The following CDH23 variants were observed in gnomAD, a reference collection of about 807,000 sequenced individuals.
CDH23 encodes the protein cadherin-23.
CDH23 carries 189 observed loss-of-function variants against 317.1 expected under a neutral mutation model. The observed-to-expected ratio is 0.60, with a 90% CI of 0.53 to 0.67. CDH23 has a LOEUF of 0.67. Among genes scored for constraint, CDH23 ranks in the 30% least tolerant of loss-of-function variants. The pLI, the probability that CDH23 is intolerant of heterozygous loss-of-function variation, is 0.00. For missense variants in CDH23, 4,401 were observed against 4,592.4 expected, an observed-to-expected ratio of 0.96 and a Z score of 1.20; for synonymous variants, 1,839 against 1,876.8, an observed-to-expected ratio of 0.98 and a Z score of 0.52.
At chr10:71,427,716 T>C (rs1367526997) in intron 1 of CDH23, among the ~76,000 whole-genome samples, 1 of 149,848 alleles carries the variant, frequency 6.7e-6, no homozygotes, top group African/African-American at 2.4e-5. Context: ...ATGCTTACTT[T>C]TTTTTTTTTT....
rs767116601 is a variant in CDH23, at chr10:71,803,438, G to T, written c.7872+18G>T. On this transcript the variant is annotated intron_variant, in intron 55 of 69. Coordinates refer to ENST00000224721, the MANE Select transcript of CDH23 (RefSeq NM_022124.6). Reference sequence around the variant, plus strand: ...TCAGAGAGGTACTCCTGCCCCGAGGGCCTCCTGCCCACCAGTATTTCCTTC... The same window carrying T: ...TCAGAGAGGTACTCCTGCCCCGAGGTCCTCCTGCCCACCAGTATTTCCTTC... 1.3e-6 allele frequency: 2 copies of T among 1,561,552 alleles called. No individual in the cohort carries two copies. Among genetic ancestry groups the T allele is most frequent in the African/African-American group, 1.4e-5 (1 of 73,200 alleles).
At chr10:71,509,449 T>G (rs2132193457) in intron 3 of CDH23, among the ~76,000 whole-genome samples, 1 of 152,332 alleles carries the variant, frequency 6.6e-6, no homozygotes, top group African/African-American at 2.4e-5. Context: ...ATCAGGAATC[T>G]GTCTCTCCAT....
intron 6 of CDH23, among the ~76,000 whole-genome samples, chr10:71,542,427 T>C (rs1856036025): frequency 6.6e-6 from 1 of 152,198 alleles, no homozygotes; most frequent in Non-Finnish European, 1.5e-5. Flanking sequence ...CAGCCCTCAA[T>C]CCTCTGTCTT....
At chr10:71,658,933 C>T (rs1003337863) in intron 14 of CDH23, among the ~76,000 whole-genome samples, 29 of 152,264 alleles carry the variant, frequency 1.9e-4, no homozygotes, top group Middle Eastern at 3.4e-3. Flanking sequence ...TGACCTTGAG[C>T]AGGTCCATGG....
chr10:71,578,137 T>G lies in CDH23; in HGVS notation c.832+145T>G, dbSNP rs116198763. 3.9e-3 allele frequency: 3,056 copies of G among 776,970 alleles called. 62 individuals are homozygous for G. The African/African-American group carries it at 0.045, about 12-fold the overall frequency. 48.1% of individuals were successfully genotyped at this position (776,970 alleles called of 1,614,324 possible). ...GGAGACCTGACTACAGGGACAGTCC[T>G]CGCCAAAGGGCCAGGAAGGTGACTG... is the stretch of plus-strand genomic sequence containing the variant. On this transcript the variant is annotated intron_variant, in intron 9 of 69. Coordinates refer to ENST00000224721, the MANE Select transcript of CDH23 (RefSeq NM_022124.6).
Position 71,677,694 on chromosome 10 carries a change from G to A in CDH23, c.1752+1G>A, listed in dbSNP as rs1347367555. 9 of 1,555,108 alleles carry A rather than the reference G, an allele frequency of 5.8e-6. No homozygotes were observed. Among genetic ancestry groups the A allele is most frequent in the Non-Finnish European group, 7.0e-6 (8 of 1,148,940 alleles). ...TGTCACACAGCTGGTGCGGCTCCGG[G>A]TAAGGTGCCAGGGAGCCCTGCACTC... is the stretch of plus-strand genomic sequence containing the variant. On this transcript the variant is annotated splice_donor_variant, in intron 16 of 69. Transcript: ENST00000224721. LOFTEE classifies it high-confidence loss of function.
chr10:71,646,811 A>G (rs765763478), intron 14 of CDH23, 194 bp downstream of exon 14: 9 of 1,519,744 alleles, frequency 5.9e-6, no homozygotes, highest in Non-Finnish European at 7.1e-6. Context: ...CTAGGTTGCA[A>G]TATGGAAAAG....
At chr10:71,419,039 A>G (rs573265998) in intron 1 of CDH23, among the ~76,000 whole-genome samples, 2 of 152,232 alleles carry the variant, frequency 1.3e-5, no homozygotes, top group South Asian at 4.1e-4. Flanking sequence ...ACTATCAAGT[A>G]AGAAAAAACT....
chr10:71,643,812 T>C, intron 11 of CDH23, 49 bp from the exon 12 acceptor site: 1 of 765,642 alleles, frequency 1.3e-6, no homozygotes, highest in Non-Finnish European at 2.4e-6. Context: ...CCTCTCCGGC[T>C]CCTTCTGTCT....
chr10:71,739,866 C>A, intron 36 of CDH23, 94 bp downstream of exon 36: 1 of 1,388,126 alleles, frequency 7.2e-7, no homozygotes, highest in Non-Finnish European at 9.7e-7. Context: ...TCCATCAGCA[C>A]ACTCTGGTGG....
intron 9 of CDH23, among the ~76,000 whole-genome samples, chr10:71,592,700 T>G (rs193266288): frequency 1.8e-4 from 28 of 152,316 alleles, no homozygotes; most frequent in Admixed American, 1.4e-3. Context: ...TTAACCAAAC[T>G]ACATCTGCAA....
chr10:71,791,597 C>T (rs568211173), intron 47 of CDH23, among the ~76,000 whole-genome samples: 4 of 148,278 alleles, frequency 2.7e-5, no homozygotes, highest in South Asian at 2.1e-4. Flanking sequence ...TTTTTTAAGA[C>T]GGAGTTTTGC....
chr10:71,691,894 G>A (rs767626201), intron 20 of CDH23, among the ~76,000 whole-genome samples: 2 of 152,174 alleles, frequency 1.3e-5, no homozygotes, highest in Admixed American at 1.3e-4. Context: ...GGCCGGTGCT[G>A]ATGGGTACGA....
chr10:71,625,421 A>AC lies in CDH23; in HGVS notation c.1134+8028_1134+8029insC, dbSNP rs1554847654. 2.6e-3 allele frequency among the ~76,000 whole-genome samples: 238 copies of AC among 92,374 alleles called. 6 individuals are homozygous for AC. The highest frequency in any genetic ancestry group is 6.1e-3 in the African/African-American group (152 of 24,908). 60.6% of individuals were successfully genotyped at this position (92,374 alleles called of 152,430 possible). On this transcript the variant is annotated intron_variant, in intron 11 of 69. Coordinates refer to ENST00000224721, the MANE Select transcript of CDH23 (RefSeq NM_022124.6). The stretch of plus-strand genomic sequence containing the variant: ...TAAAAAAAAAAAAAAAAAAAAAAAA[A>AC]AAATGACAAGGAGAAAAGGCCATAT...
intron 3 of CDH23, among the ~76,000 whole-genome samples, chr10:71,470,545 A>G (rs962591529): frequency 1.3e-5 from 2 of 151,544 alleles, no homozygotes; most frequent in Admixed American, 1.3e-4. Flanking sequence ...GCTGGAGTGC[A>G]GTAGCACCAT....
chr10:71,767,781 G>T (rs554266019), intron 38 of CDH23, among the ~76,000 whole-genome samples: 1 of 152,340 alleles, frequency 6.6e-6, no homozygotes, highest in East Asian at 1.9e-4. Flanking sequence ...ACCTGCCCCC[G>T]CAGGAAGTGT....
At position 71,575,066 on chromosome 10, in the gene CDH23, G is replaced by A. The variant is rs1362325578; in HGVS notation, c.754-2848G>A. 5.3e-5 allele frequency among the ~76,000 whole-genome samples: 8 copies of A among 152,138 alleles called. No individual in the cohort carries two copies. The East Asian group carries it at 1.5e-3, about 29-fold the overall frequency. On this transcript the variant is annotated intron_variant, in intron 8 of 69. Coordinates refer to ENST00000224721, the MANE Select transcript of CDH23 (RefSeq NM_022124.6). ...AGAGAGAGGGGGAACCTTGCTGGGG[G>A]CCCCACACAGTGGAACATCGTAGAC...
At chr10:71,652,430 T>C (rs1295493382) in intron 14 of CDH23, among the ~76,000 whole-genome samples, 2 of 152,198 alleles carry the variant, frequency 1.3e-5, no homozygotes, top group Non-Finnish European at 2.9e-5. Flanking sequence ...GGGAGACCCA[T>C]TGCAGTGATG....
At chr10:71,510,300 ATCTTTTGGCG>A in intron 4 of CDH23, 76 bp downstream of exon 4, 1 of 1,536,796 alleles carries the variant, frequency 6.5e-7, no homozygotes, top group African/African-American at 1.4e-5. Context: ...ACGGCCCGCC[ATCTTTTGGCG>A]TCTTCCTCTA....
Sources: allele counts gnomAD v4.1 joint callset (sites outside exome capture counted in the v4.1 genomes callset), GRCh38; gene constraint gnomAD v4.1.1; transcripts MANE v1.5; gene names NCBI Gene and HGNC (gene_info 2026-07-23, HGNC 2026-07-21).